Variants in TEX14 observed in about 807,000 individuals in gnomAD.
TEX14 encodes inactive serine/threonine-protein kinase TEX14.
TEX14 carries 168 observed loss-of-function variants against 178.6 expected under a neutral mutation model. The ratio of observed to expected loss-of-function variants is 0.94; its 90% confidence interval spans 0.83 to 1.07. TEX14 has a LOEUF of 1.07. TEX14 is among the 50% of genes least tolerant of loss of function. The probability of loss-of-function intolerance (pLI) is 0.00; values close to 1 mark genes in which losing one functional copy is unlikely to be tolerated. For synonymous variants in TEX14, 626 were observed against 634.1 expected (o/e 0.99, Z 0.19); for missense variants, 1,730 against 1,753.6 (o/e 0.99, Z 0.24).
chr17:58,620,594 A>G (rs1327133900), intron 5 of TEX14, among the ~76,000 whole-genome samples: 1 of 152,066 alleles, frequency 6.6e-6, no homozygotes, highest in African/African-American at 2.4e-5. Flanking sequence ...CCTGGGTTCA[A>G]GTGATTCGCC....
chr17:58,566,906 C>A (rs1166492563), intron 26 of TEX14, among the ~76,000 whole-genome samples: 1 of 152,050 alleles, frequency 6.6e-6, no homozygotes, highest in East Asian at 1.9e-4. Flanking sequence ...GTGGCTCACA[C>A]CTGTAATCCC....
intron 27 of TEX14, 109 bp from the exon 28 acceptor site, chr17:58,565,077 G>A: frequency 1.7e-6 from 1 of 576,958 alleles, no homozygotes; most frequent in Non-Finnish European, 3.0e-6. Flanking sequence ...CCTGAAGTGT[G>A]CAATGCATTA....
At chr17:58,631,634 A>G (rs568879002) in intron 2 of TEX14, 1 of 151,592 alleles carries the variant, frequency 6.6e-6, no homozygotes, top group Admixed American at 6.6e-5. Context: ...AAAAAAAAAA[A>G]CCCAGAACTA....
intron 10 of TEX14, among the ~76,000 whole-genome samples, chr17:58,606,262 T>C (rs2045604278): frequency 6.6e-6 from 1 of 152,206 alleles, no homozygotes; most frequent in Admixed American, 6.5e-5. Flanking sequence ...TCAAATGAGA[T>C]CATGGATGTA....
intron 3 of TEX14, among the ~76,000 whole-genome samples, chr17:58,627,705 A>G (rs2046177898): frequency 6.7e-6 from 1 of 148,624 alleles, no homozygotes; most frequent in African/African-American, 2.5e-5. Context: ...GGGAGGCAGA[A>G]GTTGCAGTGA....
At position 58,611,262 on chromosome 17, in the gene TEX14, C is replaced by G; in HGVS notation, c.1083G>C (p.Leu361=). The change falls in exon 10 of 32, where the codon CTG becomes CTC. Residue 361 remains leucine (L), a synonymous_variant. Coordinates refer to ENST00000349033, the MANE Select transcript of TEX14 (RefSeq NM_031272.5). The part of the protein sequence containing the change: ...LLQISDALRY[L]HFQGFIHRSL... ...AGCGGTGGATAAACCCCTGGAAATG[C>G]AGGTATCTCAGGGCATCAGATATCT... is the stretch of plus-strand genomic sequence containing the variant. 1 of 1,613,248 alleles carries G rather than the reference C, an allele frequency of 6.2e-7. No individual in the cohort carries two copies. The highest frequency in any genetic ancestry group is 8.5e-7 in the Non-Finnish European group (1 of 1,179,288).
At position 58,599,252 on chromosome 17, in the gene TEX14, C is replaced by G. The variant is rs1567726993; in HGVS notation, c.2093G>C (p.Gly698Ala). ...AGGAAGGCTGAGTGAACTGAGTGAA[C>G]CGTTTTGCCAGTCCCAGTCATCAAA... is the stretch of plus-strand genomic sequence containing the variant. ...YSFDDWDWQNGSLSSLSLPES... is the reference protein window; with the variant it reads ...YSFDDWDWQNASLSSLSLPES... Residue 698 changes from glycine (G) to alanine (A), a missense_variant, in exon 14 of 32, where the codon GGT (glycine) becomes GCT (alanine). By Grantham distance (60) the Gly-to-Ala change is moderately conservative. Around this residue, in one of 2 missense-constraint regions of TEX14, gnomAD observed 941 missense variants for 1,072.4 expected, o/e 0.88. Coordinates refer to ENST00000349033, the MANE Select transcript of TEX14 (RefSeq NM_031272.5). The G allele has an allele frequency of 6.2e-7, 1 of 1,613,824 alleles. No homozygotes were observed. The highest frequency in any genetic ancestry group is 8.5e-7 in the Non-Finnish European group (1 of 1,180,032).
intron 1 of TEX14, among the ~76,000 whole-genome samples, chr17:58,665,997 C>A (rs555391497): frequency 6.7e-6 from 1 of 149,852 alleles, no homozygotes; most frequent in Non-Finnish European, 1.5e-5. Context: ...TGCAGTGAGC[C>A]GAGATTGTGC....
chr17:58,604,382 A>C (rs951719539), intron 11 of TEX14, among the ~76,000 whole-genome samples: 7 of 151,324 alleles, frequency 4.6e-5, no homozygotes, highest in Non-Finnish European at 7.4e-5. Flanking sequence ...GAGGCAGAAG[A>C]ATCGCTTGGA....
rs35155837 is a variant in TEX14 at position 58,607,012 on chromosome 17, CAAAAAAAAAAAA to C, written c.1185-1895_1185-1884del. Among the ~76,000 whole-genome samples the C allele has an allele frequency of 5.8e-4, 54 of 92,610 alleles. 1 individual carries two copies. Among genetic ancestry groups the C allele is most frequent in the African/African-American group, 2.2e-3 (47 of 21,776 alleles). The allele number at this position is 92,610 out of a possible 152,430, so 60.8% of individuals were successfully genotyped here. A position where few individuals can be genotyped will look rare whatever the true frequency, so the allele number is the denominator to read the frequency against. On this transcript the variant is annotated intron_variant, in intron 10 of 31. Transcript: ENST00000349033. ...TGCATTCCAGACTGGGCTACTGTCT[CAAAAAAAAAAAA>C]AAAAAAAAAAAAGGAAGGAGCTGAA...
intron 8 of TEX14, among the ~76,000 whole-genome samples, chr17:58,613,942 C>T (rs1175716721): frequency 6.6e-6 from 1 of 151,768 alleles, no homozygotes; most frequent in Non-Finnish European, 1.5e-5. Context: ...GCTGGGATTA[C>T]AGGCGTGAGC....
Position 58,599,333 on chromosome 17 carries a change from G to C in TEX14, c.2012C>G (p.Ala671Gly). The stretch of plus-strand genomic sequence containing the variant: ...CTCATCCTCACTGCCAAAACAACAC[G>C]CCTCTCTCTCCATCTTATCCAGCTC... ...EEELDKMERE[A>G]CCFGSEDESS... The change falls in exon 14 of 32, where the codon GCG becomes GGG. Residue 671 changes from alanine to glycine, a missense_variant. Physicochemically the swap from Ala to Gly is moderately conservative, Grantham distance 60. Around this residue, in one of 2 missense-constraint regions of TEX14, gnomAD observed 941 missense variants for 1,072.4 expected, o/e 0.88. Coordinates refer to ENST00000349033, the MANE Select transcript of TEX14 (RefSeq NM_031272.5). 7 of 1,613,750 alleles carry C rather than the reference G, an allele frequency of 4.3e-6. No individual in the cohort carries two copies. The highest frequency in any genetic ancestry group is 5.9e-6 in the Non-Finnish European group (7 of 1,180,016).
chr17:58,632,061 T>C (rs552137934), intron 2 of TEX14, among the ~76,000 whole-genome samples: 1 of 152,312 alleles, frequency 6.6e-6, no homozygotes, highest in South Asian at 2.1e-4. Flanking sequence ...AGCATGCAAA[T>C]CACTCAGAGC....
chr17:58,687,578 C>T (rs894912964), intron 1 of TEX14, among the ~76,000 whole-genome samples: 7 of 151,966 alleles, frequency 4.6e-5, no homozygotes, highest in African/African-American at 1.7e-4. Context: ...AGTGATCCAC[C>T]CACCTAAGCC....
intron 2 of TEX14, among the ~76,000 whole-genome samples, chr17:58,647,024 GCCTC>G (rs1470566680): frequency 6.6e-6 from 1 of 151,598 alleles, no homozygotes; most frequent in Non-Finnish European, 1.5e-5. Flanking sequence ...TCCTGCCTCA[GCCTC>G]CCGAGTAGCT....
intron 24 of TEX14, among the ~76,000 whole-genome samples, 178 bp downstream of exon 24, chr17:58,571,743 G>A (rs1012679997): frequency 1.3e-5 from 2 of 152,208 alleles, no homozygotes; most frequent in African/African-American, 4.8e-5. Flanking sequence ...GCTTTAAGGA[G>A]GAAGCAAAAC....
At chr17:58,659,186 G>A (rs35797125) in intron 1 of TEX14, 35,892 of 203,700 alleles carry the variant, frequency 0.18, 3,383 homozygotes, top group Non-Finnish European at 0.19. Context: ...ACTACCACAA[G>A]TTATGCAGCC....
In TEX14 at chr17:58,572,014, CA is replaced by C; in HGVS notation, c.3623del (p.Leu1208CysfsTer6). On this transcript the variant is annotated frameshift_variant, in exon 24 of 32. Coordinates refer to ENST00000349033, the MANE Select transcript of TEX14 (RefSeq NM_031272.5). LOFTEE classifies it high-confidence loss of function. The part of the protein sequence containing the change: ...CWNSQEFIQT[L>X]SDDFISVRER... ...CTCGGACACTTATAAAGTCATCAGA[CA>C]AAGTTTGAATAAATTCTTGACTGTT... 1 of 1,613,938 alleles carries C rather than the reference CA, an allele frequency of 6.2e-7. No homozygotes were observed. The highest frequency in any genetic ancestry group is 1.1e-5 in the South Asian group (1 of 91,076).
At chr17:58,680,650 C>T (rs1353696734) in intron 1 of TEX14, among the ~76,000 whole-genome samples, 1 of 151,988 alleles carries the variant, frequency 6.6e-6, no homozygotes, top group Non-Finnish European at 1.5e-5. Flanking sequence ...GCAGGAGAAC[C>T]TCTTGAACCT....
Sources: gnomAD v4.1 joint callset for allele counts (sites outside exome capture counted in the v4.1 genomes callset) on GRCh38, gnomAD v4.1.1 for gene constraint, gnomAD v4.1.1 regional missense constraint, MANE v1.5 for transcripts, NCBI Gene and HGNC (gene_info 2026-07-23, HGNC 2026-07-21) for gene names.